Variants in KANSL1 observed in about 807,000 individuals in gnomAD.
The protein encoded by KANSL1 is MLL1/MLL complex subunit KANSL1.
In KANSL1, 22 loss-of-function variants were observed where a neutral mutation model predicts 103.6. The ratio of observed to expected loss-of-function variants is 0.21; its 90% CI spans 0.15 to 0.30. KANSL1 has a LOEUF of 0.30. Among genes scored for constraint, KANSL1 ranks in the 10% least tolerant of loss-of-function variants. KANSL1 has a pLI of 1.00. For synonymous variants in KANSL1, 600 were observed against 527.6 expected, an observed-to-expected ratio of 1.14 and a Z score of -1.88; for missense variants, 1,337 against 1,399.8, an observed-to-expected ratio of 0.96 and a Z score of 0.72.
At chr17:46,036,884 G>A (rs1475246791) in intron 10 of KANSL1, among the ~76,000 whole-genome samples, 1 of 152,076 alleles carries the variant, frequency 6.6e-6, no homozygotes, top group East Asian at 1.9e-4. Flanking sequence ...GTTAATTTTT[G>A]TATTTTTAGT....
intron 8 of KANSL1, 200 bp downstream of exon 8, chr17:46,039,502 G>A (rs2077250167): frequency 1.5e-6 from 1 of 645,954 alleles, no homozygotes; most frequent in African/African-American, 1.8e-5. Context: ...CTTGCTCCAA[G>A]ATCCATGGTG....
intron 8 of KANSL1, 133 bp downstream of exon 8, chr17:46,039,569 C>CTGTGAGCTGAATT: frequency 1.1e-6 from 1 of 945,580 alleles, no homozygotes; most frequent in South Asian, 1.7e-5. Flanking sequence ...GAAGCAGTCA[C>CTGTGAGCTGAATT]TGTGAGCTGA....
chr17:46,141,385 A>G (rs1276960073), intron 2 of KANSL1, among the ~76,000 whole-genome samples: 1 of 152,246 alleles, frequency 6.6e-6, no homozygotes, highest in Non-Finnish European at 1.5e-5. Context: ...AGAGCAGCTG[A>G]AGAGCCCTTC....
intron 2 of KANSL1, among the ~76,000 whole-genome samples, chr17:46,111,753 G>A (rs2042818506): frequency 6.6e-6 from 1 of 152,134 alleles, no homozygotes; most frequent in Non-Finnish European, 1.5e-5. Flanking sequence ...CTACACATTT[G>A]GGAAGAAAGG....
chr17:46,208,733 G>C (rs1255737233), intron 1 of KANSL1, among the ~76,000 whole-genome samples: 4 of 151,404 alleles, frequency 2.6e-5, no homozygotes, highest in Non-Finnish European at 5.9e-5. Context: ...GCGTCAGTCT[G>C]TCCCACCTCA....
At chr17:46,125,826 C>A (rs1445408521) in intron 2 of KANSL1, among the ~76,000 whole-genome samples, 1 of 152,096 alleles carries the variant, frequency 6.6e-6, no homozygotes, top group Non-Finnish European at 1.5e-5. Context: ...CTTTAAAACC[C>A]CAAAAGGACA....
At chr17:46,165,537 G>GTT (rs139839479) in intron 2 of KANSL1, among the ~76,000 whole-genome samples, 4,414 of 149,208 alleles carry the variant, frequency 0.03, 179 homozygotes, top group African/African-American at 0.091. Context: ...TTGAGACACA[G>GTT]TTTCACTCTG....
intron 2 of KANSL1, among the ~76,000 whole-genome samples, chr17:46,157,145 G>A (rs1329502590): frequency 5.9e-5 from 9 of 152,206 alleles, no homozygotes; most frequent in Admixed American, 5.9e-4. Context: ...TTCTAGGACT[G>A]CCACAAGGAC....
intron 14 of KANSL1, 69 bp downstream of exon 14, chr17:46,031,978 G>A (rs2077021908): frequency 1.2e-6 from 2 of 1,606,242 alleles, no homozygotes; most frequent in South Asian, 2.2e-5. Flanking sequence ...TCCCTCTTCA[G>A]CAGATGCTGC....
intron 2 of KANSL1, among the ~76,000 whole-genome samples, chr17:46,143,213 T>C (rs2044512642): frequency 6.6e-6 from 1 of 152,210 alleles, no homozygotes; most frequent in South Asian, 2.1e-4. Flanking sequence ...TACATATATG[T>C]ACCCATTCAG....
intron 2 of KANSL1, among the ~76,000 whole-genome samples, chr17:46,132,426 T>C (rs1348382966): frequency 6.6e-6 from 1 of 152,196 alleles, no homozygotes; most frequent in Non-Finnish European, 1.5e-5. Context: ...CAGGGGCCTT[T>C]CAATAATCCA....
At position 46,038,584 on chromosome 17, in the gene KANSL1, G is replaced by A; in HGVS notation, c.2495C>T (p.Ser832Phe). 1.2e-6 allele frequency: 2 copies of A among 1,614,172 alleles called. No homozygotes were observed. Among genetic ancestry groups the A allele is most frequent in the Non-Finnish European group, 1.7e-6 (2 of 1,180,036 alleles). The change falls in exon 10 of 15, where the codon TCC (serine) becomes TTC (phenylalanine). Residue 832 changes from serine (S) to phenylalanine (F), a missense_variant. Around this residue, in one of 2 missense-constraint regions of KANSL1, gnomAD observed 780 missense variants for 923.4 expected, o/e 0.84. Transcript: ENST00000432791. ...TGAGCTAGAGCTGGCGGGTGCAGGG[G>A]AATCTGAGGAGGTGGAGAGCTGTCG... ...LVRQLSTSSD[S>F]PAPASSSSQV...
intron 1 of KANSL1, among the ~76,000 whole-genome samples, chr17:46,191,550 T>C (rs140143580): frequency 1.3e-5 from 2 of 152,380 alleles, no homozygotes; most frequent in East Asian, 3.9e-4. Flanking sequence ...GTTTCCATAC[T>C]TGAAAGGACT....
upstream of KANSL1, among the ~76,000 whole-genome samples, chr17:46,224,189 C>G (rs893531716): frequency 2.6e-5 from 4 of 152,248 alleles, no homozygotes; most frequent in African/African-American, 9.6e-5. Context: ...CTTCTCTAAT[C>G]ATCCCGACTG....
At chr17:46,074,425 G>A (rs1314605526) in intron 4 of KANSL1, among the ~76,000 whole-genome samples, 4 of 152,084 alleles carry the variant, frequency 2.6e-5, no homozygotes, top group Admixed American at 2.6e-4. Context: ...ATGCAGGTAG[G>A]AAGTAGAACA....
At chr17:46,203,049 T>C (rs2047854495) in intron 1 of KANSL1, among the ~76,000 whole-genome samples, 1 of 152,192 alleles carries the variant, frequency 6.6e-6, no homozygotes, top group African/African-American at 2.4e-5. Flanking sequence ...CTGGGCAACA[T>C]GGTGAAAACC....
At chr17:46,213,425 C>T (rs1278262252) in intron 1 of KANSL1, among the ~76,000 whole-genome samples, 3 of 151,646 alleles carry the variant, frequency 2.0e-5, no homozygotes, top group African/African-American at 4.9e-5. Flanking sequence ...CACAGCCTCC[C>T]GAGTAGCTGG....
At chr17:46,167,773 A>C (rs1348033959) in intron 2 of KANSL1, among the ~76,000 whole-genome samples, 1 of 152,266 alleles carries the variant, frequency 6.6e-6, no homozygotes, top group Non-Finnish European at 1.5e-5. Flanking sequence ...TAAACATTCA[A>C]CAACATAGAA....
chr17:46,118,671 G>C (rs2043147570), intron 2 of KANSL1, among the ~76,000 whole-genome samples: 1 of 152,196 alleles, frequency 6.6e-6, no homozygotes, highest in Admixed American at 6.5e-5. Context: ...AAGCCAGAGA[G>C]AGGCCTAGCA....
Sources: allele counts gnomAD v4.1 joint callset (sites outside exome capture counted in the v4.1 genomes callset), GRCh38; gene constraint gnomAD v4.1.1; regional missense constraint gnomAD v4.1.1; transcripts MANE v1.5; gene names NCBI Gene and HGNC (gene_info 2026-07-23, HGNC 2026-07-21).